MAP4K3: variants seen among roughly 807,000 people sequenced by gnomAD.
MAP4K3 encodes mitogen-activated protein kinase kinase kinase kinase 3, also known as MAPK/ERK kinase kinase kinase 3.
MAP4K3 carries 94 observed loss-of-function variants against 143.5 expected under a neutral mutation model. That is an observed-to-expected ratio of 0.65 (90% CI 0.55 to 0.78). The LOEUF (loss-of-function observed/expected upper bound fraction) is 0.78, where lower values mean the gene tolerates loss of function less well. Ranked by LOEUF, MAP4K3 falls within the 30% of genes least tolerant of loss-of-function variation. The pLI is 0.00. For synonymous variants in MAP4K3, 416 were observed against 347.2 expected, an observed-to-expected ratio of 1.20 and a Z score of -2.20; for missense variants, 1,077 against 1,068.1, an observed-to-expected ratio of 1.01 and a Z score of -0.12.
chr2:39,290,116 A>ATAAAAAATCATTTACTT (rs1681977075), intron 19 of MAP4K3, among the ~76,000 whole-genome samples, 176 bp downstream of exon 19: 2 of 151,064 alleles, frequency 1.3e-5, no homozygotes, highest in Non-Finnish European at 2.9e-5. Flanking sequence ...AAGAACACTA[A>ATAAAAAATCATTTACTT]ATATAAGTTG....
At chr2:39,373,928 A>C (rs1666150326) in intron 2 of MAP4K3, among the ~76,000 whole-genome samples, 1 of 152,236 alleles carries the variant, frequency 6.6e-6, no homozygotes, top group Non-Finnish European at 1.5e-5. Context: ...CAAAAAATCC[A>C]ATCATACATT....
chr2:39,366,813 A>G (rs767900978), intron 2 of MAP4K3, among the ~76,000 whole-genome samples: 2 of 152,246 alleles, frequency 1.3e-5, no homozygotes, highest in Non-Finnish European at 2.9e-5. Context: ...CCCACTGGCT[A>G]ATCTTTAAAA....
intron 1 of MAP4K3, among the ~76,000 whole-genome samples, chr2:39,418,975 T>C (rs1156734565): frequency 6.6e-6 from 1 of 152,186 alleles, no homozygotes; most frequent in Non-Finnish European, 1.5e-5. Flanking sequence ...GTTCTGATAC[T>C]GGTCCTCAGT....
intron 8 of MAP4K3, among the ~76,000 whole-genome samples, chr2:39,328,857 T>C (rs906347965): frequency 6.6e-6 from 1 of 152,180 alleles, no homozygotes; most frequent in Non-Finnish European, 1.5e-5. Context: ...GTTGAATAAA[T>C]GTACATATAT....
intron 16 of MAP4K3, among the ~76,000 whole-genome samples, chr2:39,296,169 G>A (rs559625983): frequency 1.3e-5 from 2 of 152,208 alleles, no homozygotes; most frequent in African/African-American, 4.8e-5. Flanking sequence ...AATCCCCATT[G>A]TGTGTTAACA....
chr2:39,356,946 G>C (rs763642577), intron 2 of MAP4K3, among the ~76,000 whole-genome samples: 35 of 152,116 alleles, frequency 2.3e-4, no homozygotes, highest in Non-Finnish European at 1.0e-4. Flanking sequence ...ATCTCCACAG[G>C]CTGTTTGTAG....
intron 1 of MAP4K3, among the ~76,000 whole-genome samples, chr2:39,414,658 G>A (rs576377955): frequency 2.6e-5 from 4 of 152,080 alleles, no homozygotes; most frequent in African/African-American, 9.7e-5. Flanking sequence ...GGCGGATCAC[G>A]ACATCAGGAG....
chr2:39,267,104 G>A lies in MAP4K3; in HGVS notation c.2032+85C>T, dbSNP rs1345435005. The A allele has an allele frequency of 8.7e-5, 110 of 1,265,212 alleles. 2 individuals are homozygous for A. Among genetic ancestry groups the A allele is most frequent in the Non-Finnish European group, 6.6e-5 (57 of 868,270 alleles). 78.4% of individuals were successfully genotyped at this position (1,265,212 alleles called of 1,614,324 possible). On this transcript the variant is annotated intron_variant, in intron 27 of 33. Transcript: ENST00000263881. The stretch of plus-strand genomic sequence containing the variant: ...AAGCAGGAAAAATAAAGTATTGCTG[G>A]CAGAATGCCCTGGGGTAGTACTGTT...
chr2:39,311,315 G>GT (rs1478780030), intron 13 of MAP4K3, among the ~76,000 whole-genome samples: 2 of 152,162 alleles, frequency 1.3e-5, no homozygotes, highest in African/African-American at 4.8e-5. Flanking sequence ...CTGACCTCAG[G>GT]TGATCCGCCC....
chr2:39,307,797 ACTG>A (rs1682768334), intron 15 of MAP4K3, 143 bp downstream of exon 15: 1 of 461,544 alleles, frequency 2.2e-6, no homozygotes, highest in Non-Finnish European at 3.7e-6. Flanking sequence ...ATGGGAAAAA[ACTG>A]CTACAATTCT....
chr2:39,267,173 T>C lies in MAP4K3; in HGVS notation c.2032+16A>G. 6.2e-7 allele frequency: 1 copy of C among 1,613,396 alleles called. No homozygotes were observed. Among genetic ancestry groups the C allele is most frequent in the South Asian group, 1.1e-5 (1 of 91,064 alleles). ...GGAGTCTCAGAGAGCTATATGCTAT[T>C]GGACAGTTTACTTACCAACACAACA... is the stretch of plus-strand genomic sequence containing the variant. On this transcript the variant is annotated intron_variant, in intron 27 of 33. Transcript: ENST00000263881.
chr2:39,298,983 G>C (rs1267302935), intron 16 of MAP4K3, among the ~76,000 whole-genome samples: 2 of 134,186 alleles, frequency 1.5e-5, no homozygotes, highest in Non-Finnish European at 3.3e-5. Context: ...AAAAAAAAAA[G>C]GAATTTTAAC....
intron 4 of MAP4K3, among the ~76,000 whole-genome samples, chr2:39,339,521 A>T (rs1665079787): frequency 6.6e-6 from 1 of 152,228 alleles, no homozygotes; most frequent in Non-Finnish European, 1.5e-5. Flanking sequence ...GGGAAGGTTA[A>T]TCCTGGTAAG....
At chr2:39,411,310 C>G (rs1667226575) in intron 1 of MAP4K3, among the ~76,000 whole-genome samples, 1 of 152,156 alleles carries the variant, frequency 6.6e-6, no homozygotes, top group African/African-American at 2.4e-5. Context: ...CTACATTTTT[C>G]CTACTTAAAT....
intron 2 of MAP4K3, among the ~76,000 whole-genome samples, chr2:39,367,882 A>AT (rs553553591): frequency 3.9e-5 from 6 of 152,162 alleles, no homozygotes; most frequent in African/African-American, 7.2e-5. Context: ...AAGAATTAAG[A>AT]TTTTTTTCAT....
intron 2 of MAP4K3, among the ~76,000 whole-genome samples, chr2:39,369,536 T>C (rs1162720752): frequency 2.0e-5 from 3 of 152,200 alleles, no homozygotes; most frequent in African/African-American, 7.2e-5. Context: ...CATACTACTC[T>C]AGACAAATCA....
At chr2:39,324,078 A>G (rs1364688977) in intron 12 of MAP4K3, among the ~76,000 whole-genome samples, 1 of 152,232 alleles carries the variant, frequency 6.6e-6, no homozygotes, top group Non-Finnish European at 1.5e-5. Flanking sequence ...TGTAAAACTT[A>G]ACTTTCTTAA....
At chr2:39,398,744 A>AATAATAATG (rs1553424680) in intron 1 of MAP4K3, among the ~76,000 whole-genome samples, 14 of 130,170 alleles carry the variant, frequency 1.1e-4, no homozygotes, top group South Asian at 2.4e-4. Context: ...TAATAATAAT[A>AATAATAATG]ATGATGATGA....
At chr2:39,377,241 G>T (rs1666244421) in intron 2 of MAP4K3, among the ~76,000 whole-genome samples, 1 of 69,024 alleles carries the variant, frequency 1.4e-5, no homozygotes, top group East Asian at 4.8e-4. Flanking sequence ...TTCCACTCTT[G>T]CAAAGTCTCT....
Sources: gnomAD v4.1 joint callset for allele counts (sites outside exome capture counted in the v4.1 genomes callset) on GRCh38, gnomAD v4.1.1 for gene constraint, MANE v1.5 for transcripts, NCBI Gene and HGNC (gene_info 2026-07-23, HGNC 2026-07-21) for gene names.